Variants in FRMD4B observed in about 807,000 individuals in gnomAD.
FRMD4B encodes the protein FERM domain-containing protein 4B.
A neutral mutation model predicts 141.5 loss-of-function variants in FRMD4B; 74 were observed. The observed-to-expected ratio is 0.52, with a 90% CI of 0.43 to 0.63. The LOEUF (loss-of-function observed/expected upper bound fraction) is 0.63, where lower values mean the gene tolerates loss of function less well. Among genes scored for constraint, FRMD4B ranks in the 30% least tolerant of loss-of-function variants. FRMD4B has a pLI of 0.00. For synonymous variants in FRMD4B, 506 were observed against 467.9 expected (o/e 1.08, Z -1.05); for missense variants, 1,366 against 1,253.4 (o/e 1.09, Z -1.36).
In FRMD4B at chr3:69,219,090, G is replaced by A. The variant is rs9849747; in HGVS notation, c.732-711C>T. On this transcript the variant is annotated intron_variant, in intron 9 of 22. Coordinates refer to ENST00000398540, the MANE Select transcript of FRMD4B (RefSeq NM_015123.3). ...TGAGGCAGGAGAATTGCTTGAATTC[G>A]GGAGGTGGAGGTTGCAGTGAGCCGA... Among the ~76,000 whole-genome samples the A allele has an allele frequency of 9.5e-3, 1,446 of 151,546 alleles. 17 individuals are homozygous for A. The highest frequency in any genetic ancestry group is 0.034 in the African/African-American group (1,390 of 41,324).
intron 1 of FRMD4B, among the ~76,000 whole-genome samples, chr3:69,317,406 A>G (rs1021104191): frequency 6.6e-6 from 1 of 152,076 alleles, no homozygotes; most frequent in Non-Finnish European, 1.5e-5. Flanking sequence ...GTGTGTGGAG[A>G]AAAGGAAAGC....
At chr3:69,306,422 T>C (rs1371621265) in intron 3 of FRMD4B, 1 of 152,236 alleles carries the variant, frequency 6.6e-6, no homozygotes, top group African/African-American at 2.4e-5. Flanking sequence ...TGTTATTTCT[T>C]GGTAAACAAA....
chr3:69,234,708 C>T (rs566021685), intron 7 of FRMD4B, among the ~76,000 whole-genome samples: 1 of 152,140 alleles, frequency 6.6e-6, no homozygotes, highest in Non-Finnish European at 1.5e-5. Flanking sequence ...TGGCCAGCAG[C>T]ATCAACATTA....
rs1258505257 is a variant in FRMD4B at position 69,335,390 on chromosome 3, C to T, written c.163-21873G>A. ...TTATTGCATTTTTTTTTTTTTTTTC[C>T]GAGACAGAGTCTTGATCTGTTGCCC... On this transcript the variant is annotated intron_variant, in intron 1 of 22. Transcript: ENST00000398540. 2.1e-3 allele frequency among the ~76,000 whole-genome samples: 258 copies of T among 125,828 alleles called. 2 individuals carry two copies. Among genetic ancestry groups the T allele is most frequent in the African/African-American group, 7.1e-3 (239 of 33,872 alleles). The allele number at this position is 125,828 out of a possible 152,430, so 82.5% of individuals were successfully genotyped here. A position where few individuals can be genotyped will look rare whatever the true frequency, so the allele number is the denominator to read the frequency against.
At chr3:69,536,527 G>T in intron 1 of FRMD4B, 2 of 697,584 alleles carry the variant, frequency 2.9e-6, no homozygotes, top group Admixed American at 2.0e-5. Flanking sequence ...CTCTACCACC[G>T]TGCGGGGGGT....
intron 1 of FRMD4B, among the ~76,000 whole-genome samples, chr3:69,496,205 G>A (rs74777681): frequency 1.8e-3 from 267 of 152,248 alleles, no homozygotes; most frequent in Non-Finnish European, 3.1e-3. Flanking sequence ...AATGCCAGAC[G>A]CTCAAATCTG....
chr3:69,528,937 T>C (rs541828991), intron 1 of FRMD4B, among the ~76,000 whole-genome samples: 19 of 152,270 alleles, frequency 1.2e-4, no homozygotes, highest in Admixed American at 2.6e-4. Flanking sequence ...GGAGTATCCA[T>C]AGGCCAAACC....
At chr3:69,529,579 G>A (rs938865312) in intron 1 of FRMD4B, among the ~76,000 whole-genome samples, 1 of 152,024 alleles carries the variant, frequency 6.6e-6, no homozygotes, top group African/African-American at 2.4e-5. Flanking sequence ...CATCCTCAAA[G>A]GGCAGGAGCC....
rs924720539 is a variant in FRMD4B at position 69,448,503 on chromosome 3, T to C, written c.-128-15742A>G. Among the ~76,000 whole-genome samples the C allele has an allele frequency of 7.5e-4, 114 of 152,354 alleles. 2 individuals are homozygous for C. The highest frequency in any genetic ancestry group is 2.7e-3 in the African/African-American group (111 of 41,596). On this transcript the variant is annotated intron_variant, in intron 1 of 5. Coordinates refer to the FRMD4B transcript ENST00000459638. ...CACCAGCAGTGTATGGGAATTCCAGTTGCTCCATATCCTCACTGATACTTG... is the reference window on the plus strand; with the variant it reads ...CACCAGCAGTGTATGGGAATTCCAGCTGCTCCATATCCTCACTGATACTTG...
At chr3:69,192,220 C>T (rs559486859) in intron 17 of FRMD4B, among the ~76,000 whole-genome samples, 1 of 151,616 alleles carries the variant, frequency 6.6e-6, no homozygotes, top group Non-Finnish European at 1.5e-5. Context: ...CCCATGTCTA[C>T]AAAACATTAG....
At position 69,193,752 on chromosome 3, in the gene FRMD4B, T is replaced by G. The variant is rs773085991; in HGVS notation, c.1610A>C (p.Asp537Ala). 5 of 1,613,578 alleles carry G rather than the reference T, an allele frequency of 3.1e-6. No homozygotes were observed. The highest frequency in any genetic ancestry group is 4.2e-6 in the Non-Finnish European group (5 of 1,179,590). ...AAGCTTTTTCATCGCATCTGTGTAA[T>G]CTTGCTTTCGCTTTTTCTTCACAGT... ...CKTVKKKRKQ[D>A]YTDAMKKLQE... The change falls in exon 17 of 23, where the codon GAT becomes GCT. Residue 537 changes from aspartate to alanine, a missense_variant. Physicochemically the swap from Asp to Ala is moderately radical, Grantham distance 126 (BLOSUM62 -2). Coordinates refer to ENST00000398540, the MANE Select transcript of FRMD4B (RefSeq NM_015123.3).
chr3:69,454,827 G>C (rs947523988), intron 1 of FRMD4B, among the ~76,000 whole-genome samples: 1 of 152,234 alleles, frequency 6.6e-6, no homozygotes, highest in Non-Finnish European at 1.5e-5. Flanking sequence ...CACCATGCAG[G>C]ACTGGCGGGC....
intron 5 of FRMD4B, among the ~76,000 whole-genome samples, chr3:69,256,255 C>G (rs909458274): frequency 6.6e-6 from 1 of 151,968 alleles, no homozygotes; most frequent in Non-Finnish European, 1.5e-5. Flanking sequence ...ACTCACATCT[C>G]ATTTCTCCTG....
chr3:69,414,803 G>C (rs2106790705), intron 2 of FRMD4B, among the ~76,000 whole-genome samples: 1 of 152,118 alleles, frequency 6.6e-6, no homozygotes, highest in East Asian at 1.9e-4. Flanking sequence ...ACTCCCATGA[G>C]GAACTCTCTA....
At chr3:69,471,479 C>T (rs1370402787) in intron 1 of FRMD4B, 3 of 263,168 alleles carry the variant, frequency 1.1e-5, no homozygotes, top group Non-Finnish European at 2.3e-5. Context: ...AATTTCATGA[C>T]CCCTTTTAAA....
intron 1 of FRMD4B, among the ~76,000 whole-genome samples, chr3:69,333,405 T>G (rs1310658115): frequency 1.3e-5 from 2 of 152,172 alleles, no homozygotes; most frequent in African/African-American, 4.8e-5. Context: ...AAAAAAGATA[T>G]GAACCTGGAA....
At chr3:69,261,565 C>T (rs1273442471) in intron 5 of FRMD4B, among the ~76,000 whole-genome samples, 16 of 152,218 alleles carry the variant, frequency 1.1e-4, no homozygotes, top group Non-Finnish European at 1.9e-4. Flanking sequence ...TATCTGGTTG[C>T]ATTACATGAA....
At chr3:69,446,024 T>A (rs1177154134) in intron 1 of FRMD4B, among the ~76,000 whole-genome samples, 1 of 152,056 alleles carries the variant, frequency 6.6e-6, no homozygotes, top group Non-Finnish European at 1.5e-5. Flanking sequence ...TATGTGTTGA[T>A]TTATTTATTT....
At chr3:69,355,286 C>T (rs543152034) in intron 1 of FRMD4B, among the ~76,000 whole-genome samples, 21 of 152,276 alleles carry the variant, frequency 1.4e-4, no homozygotes, top group African/African-American at 4.3e-4. Context: ...GTTATGAGCA[C>T]TCCTAATATT....
Sources: allele counts gnomAD v4.1 joint callset (sites outside exome capture counted in the v4.1 genomes callset), GRCh38; gene constraint gnomAD v4.1.1; transcripts MANE v1.5; gene names NCBI Gene and HGNC (gene_info 2026-07-23, HGNC 2026-07-21).